The following SLC9A7 variants were observed in gnomAD, a reference collection of about 807,000 sequenced individuals.
SLC9A7 encodes the protein solute carrier family 9 member A7, also known as sodium/hydrogen exchanger 7.
Under a neutral mutation model 52.6 loss-of-function variants are expected in SLC9A7, and 19 were observed. The ratio of observed to expected loss-of-function variants is 0.36; its 90% CI spans 0.25 to 0.53. SLC9A7 has a LOEUF of 0.53. SLC9A7 is among the 20% of genes least tolerant of loss of function. The pLI is 0.91. For synonymous variants in SLC9A7, 226 were observed against 252.1 expected (o/e 0.90, Z 0.98); for missense variants, 455 against 597.9 (o/e 0.76, Z 2.49).
At chrX:46,649,863 G>A (rs1047682819) in intron 10 of SLC9A7, among the ~76,000 whole-genome samples, 2 of 112,711 alleles carry the variant, frequency 1.8e-5, no homozygotes, top group Non-Finnish European at 3.8e-5. Context: ...ACCCGGCTTG[G>A]CCTCTGCCAG....
chrX:46,643,361 C>T lies in SLC9A7; in HGVS notation c.1491G>A (p.Leu497=). ...CATAGGATGCCGTGTCACGGATGGCCAACGCAAATGCCATTGCTCCCCTGA... is the reference window on the plus strand; with the variant it reads ...CATAGGATGCCGTGTCACGGATGGCTAACGCAAATGCCATTGCTCCCCTGA... ...SGLRGAMAFA[L]AIRDTASYAR... Residue 497 remains leucine, a synonymous_variant, in exon 12 of 17, where the codon TTG becomes TTA. Coordinates refer to ENST00000616978, the MANE Select transcript of SLC9A7 (RefSeq NM_001257291.2). 8.3e-7 allele frequency: 1 copy of T among 1,210,441 alleles called. No individual in the cohort carries two copies. The highest frequency in any genetic ancestry group is 1.1e-6 in the Non-Finnish European group (1 of 894,624).
intron 1 of SLC9A7, among the ~76,000 whole-genome samples, chrX:46,684,496 T>C (rs1453263928): frequency 8.9e-6 from 1 of 111,961 alleles, no homozygotes; most frequent in Non-Finnish European, 1.9e-5. Flanking sequence ...TGAGCCACCA[T>C]GCCTGGCCCC....
At chrX:46,607,231 A>C (rs1335427583) in intron 16 of SLC9A7, 28 bp from the exon 17 acceptor site, 1 of 1,196,470 alleles carries the variant, frequency 8.4e-7, no homozygotes, top group Non-Finnish European at 1.1e-6. Flanking sequence ...CAACAACAAC[A>C]AAAATGAGAG....
At chrX:46,625,306 G>A in intron 14 of SLC9A7, among the ~76,000 whole-genome samples, 1 of 108,191 alleles carries the variant, frequency 9.2e-6, no homozygotes, top group Admixed American at 9.9e-5. Context: ...CCCCACCAAA[G>A]CTTTCTACAG....
intron 1 of SLC9A7, among the ~76,000 whole-genome samples, chrX:46,724,478 A>G (rs1453064287): frequency 2.7e-5 from 3 of 112,526 alleles, no homozygotes; most frequent in African/African-American, 6.5e-5. Context: ...TTTAAGCTGA[A>G]GTGATATCAT....
At chrX:46,615,010 C>T (rs1317395595) in intron 15 of SLC9A7, among the ~76,000 whole-genome samples, 1 of 112,159 alleles carries the variant, frequency 8.9e-6, no homozygotes, top group East Asian at 2.8e-4. Flanking sequence ...ATTACTCAAC[C>T]AAAGAGGATG....
rs1456719699 is a variant in SLC9A7, at chrX:46,606,073, T to G, written c.*879A>C. On this transcript the variant is annotated 3_prime_UTR_variant, in exon 17 of 17. Coordinates refer to ENST00000616978, the MANE Select transcript of SLC9A7 (RefSeq NM_001257291.2). ...AGGAGGCTGAGGCAGGAGAATCACT[T>G]GAACCCGTGAGGCAGAGGTTGCAGT... is the stretch of plus-strand genomic sequence containing the variant. 7.0e-6 allele frequency: 1 copy of G among 143,532 alleles called. No individual in the cohort carries two copies. Among genetic ancestry groups the G allele is most frequent in the Non-Finnish European group, 1.2e-5 (1 of 83,139 alleles). The allele number at this position is 143,532 out of a possible 1,213,427, so 11.8% of individuals were successfully genotyped here.
intron 1 of SLC9A7, among the ~76,000 whole-genome samples, chrX:46,715,382 G>A (rs891786922): frequency 9.0e-6 from 1 of 111,400 alleles, no homozygotes; most frequent in Non-Finnish European, 1.9e-5. Flanking sequence ...GACTGATTTG[G>A]TATATTTTTG....
At chrX:46,721,303 C>T (rs1049975551) in intron 1 of SLC9A7, among the ~76,000 whole-genome samples, 1 of 111,518 alleles carries the variant, frequency 9.0e-6, no homozygotes, top group African/African-American at 3.3e-5. Flanking sequence ...AGTAATTATC[C>T]ATAATGGTAG....
chrX:46,751,140 T>A (rs1418418591), intron 1 of SLC9A7, among the ~76,000 whole-genome samples: 2 of 111,441 alleles, frequency 1.8e-5, no homozygotes, highest in Non-Finnish European at 3.8e-5. Flanking sequence ...GTCTTCCCCA[T>A]ATGATCTTCA....
intron 1 of SLC9A7, among the ~76,000 whole-genome samples, chrX:46,714,199 C>T (rs1212594686): frequency 1.8e-5 from 2 of 110,235 alleles, no homozygotes; most frequent in Non-Finnish European, 3.8e-5. Context: ...ATTAACACCA[C>T]TTTACAGTTA....
intron 1 of SLC9A7, among the ~76,000 whole-genome samples, chrX:46,701,479 CA>C (rs1377781970): frequency 2.7e-5 from 3 of 111,330 alleles, no homozygotes; most frequent in Non-Finnish European, 5.7e-5. Context: ...CCCAGCTACT[CA>C]GGAGGCTGAA....
In SLC9A7 at chrX:46,606,968, A is replaced by G. The variant is rs1185607732; in HGVS notation, c.2165T>C (p.Leu722Pro). 8.3e-7 allele frequency: 1 copy of G among 1,211,527 alleles called. No homozygotes were observed. Among genetic ancestry groups the G allele is most frequent in the Admixed American group, 2.2e-5 (1 of 45,998 alleles). The part of the protein sequence containing the change: ...SSRGTRLVFP[L>P]EDNA ...GGGGGAAAGTCAAGCATTATCTTCCAGGGGAAACACTAGGCGGGTGCCCCG... is the reference window on the plus strand; with the variant it reads ...GGGGGAAAGTCAAGCATTATCTTCCGGGGGAAACACTAGGCGGGTGCCCCG... The change falls in exon 17 of 17, where the codon CTG becomes CCG. Residue 722 changes from leucine (L) to proline (P), a missense_variant. Leu to Pro is a moderately conservative substitution (Grantham distance 98). Transcript: ENST00000616978.
At chrX:46,703,711 C>T (rs1373563813) in intron 1 of SLC9A7, among the ~76,000 whole-genome samples, 1 of 111,894 alleles carries the variant, frequency 8.9e-6, no homozygotes, top group African/African-American at 3.2e-5. Flanking sequence ...ATAATGGAGT[C>T]TATAGCCATT....
At chrX:46,664,725 A>ATT (rs1943888604) in intron 5 of SLC9A7, among the ~76,000 whole-genome samples, 1 of 110,891 alleles carries the variant, frequency 9.0e-6, no homozygotes, top group Non-Finnish European at 1.9e-5. Flanking sequence ...GGTTTTGCCC[A>ATT]TTTTTTAAAA....
intron 4 of SLC9A7, among the ~76,000 whole-genome samples, chrX:46,670,820 T>C (rs1348007265): frequency 2.7e-5 from 3 of 112,163 alleles, no homozygotes; most frequent in Admixed American, 9.4e-5. Context: ...AATTGTATGT[T>C]ACAGATTTGA....
intron 12 of SLC9A7, among the ~76,000 whole-genome samples, chrX:46,641,301 G>C (rs950433514): frequency 1.8e-5 from 2 of 111,289 alleles, no homozygotes; most frequent in Admixed American, 9.6e-5. Context: ...AGTTACAACA[G>C]CAAAATGTCA....
At chrX:46,679,075 C>G (rs1440071390) in intron 3 of SLC9A7, among the ~76,000 whole-genome samples, 2 of 111,119 alleles carry the variant, frequency 1.8e-5, no homozygotes, top group Non-Finnish European at 3.8e-5. Context: ...TAATTTGTTT[C>G]CCATTTTATA....
chrX:46,665,090 C>T (rs1244112457), intron 5 of SLC9A7, among the ~76,000 whole-genome samples: 5 of 110,695 alleles, frequency 4.5e-5, no homozygotes, highest in East Asian at 2.8e-4. Context: ...AACTGGAAGA[C>T]GATGGGATGG....
Sources: allele counts gnomAD v4.1 joint callset (sites outside exome capture counted in the v4.1 genomes callset), GRCh38; gene constraint gnomAD v4.1.1; transcripts MANE v1.5; gene names NCBI Gene and HGNC (gene_info 2026-07-23, HGNC 2026-07-21).